The following TACC2 variants were observed in gnomAD, a reference collection of about 807,000 sequenced individuals.
The protein encoded by TACC2 is transforming acidic coiled-coil-containing protein 2.
TACC2 carries 137 observed loss-of-function variants against 227.3 expected under a neutral mutation model. The ratio of observed to expected loss-of-function variants is 0.60; its 90% CI spans 0.52 to 0.69. The LOEUF is 0.69. TACC2 is among the 30% of genes least tolerant of loss of function. TACC2 has a pLI of 0.00. For missense variants in TACC2, 3,470 were observed against 3,694.4 expected, an observed-to-expected ratio of 0.94 and a Z score of 1.57; for synonymous variants, 1,523 against 1,487.5, an observed-to-expected ratio of 1.02 and a Z score of -0.55.
chr10:122,169,642 T>C (rs1370880067), intron 7 of TACC2, among the ~76,000 whole-genome samples: 2 of 152,216 alleles, frequency 1.3e-5, no homozygotes, highest in Non-Finnish European at 2.9e-5. Context: ...GCCTGGGCAA[T>C]CTTTGTTTTC....
intron 3 of TACC2, among the ~76,000 whole-genome samples, chr10:122,081,086 C>G (rs1461329491): frequency 6.6e-6 from 1 of 151,998 alleles, no homozygotes; most frequent in Non-Finnish European, 1.5e-5. Flanking sequence ...GAATTGTACC[C>G]CCAAACAATT....
intron 3 of TACC2, among the ~76,000 whole-genome samples, chr10:122,075,810 TA>T (rs1318145915): frequency 6.6e-6 from 1 of 152,196 alleles, no homozygotes; most frequent in East Asian, 1.9e-4. Flanking sequence ...TTCTTTTTTT[TA>T]TTGTTGAGAC....
intron 2 of TACC2, among the ~76,000 whole-genome samples, chr10:122,045,218 G>T (rs2074833317): frequency 6.6e-6 from 1 of 152,128 alleles, no homozygotes. Context: ...TGCTATTCTG[G>T]GCATCAAATC....
At chr10:121,992,608 G>C (rs1382976214) in intron 1 of TACC2, among the ~76,000 whole-genome samples, 1 of 152,178 alleles carries the variant, frequency 6.6e-6, no homozygotes, top group Non-Finnish European at 1.5e-5. Flanking sequence ...TTTTCTGCCT[G>C]ATGAAATGGA....
chr10:122,019,302 G>A (rs897348390), intron 1 of TACC2, among the ~76,000 whole-genome samples: 3 of 152,248 alleles, frequency 2.0e-5, no homozygotes, highest in South Asian at 2.1e-4. Flanking sequence ...AGACTGCCGC[G>A]TCATCACATT....
chr10:122,132,096 A>G (rs2138833018), intron 5 of TACC2, among the ~76,000 whole-genome samples: 1 of 137,126 alleles, frequency 7.3e-6, no homozygotes, highest in South Asian at 2.4e-4. Context: ...AAGATCTACA[A>G]AGGTTTCTAA....
chr10:122,087,614 C>A lies in TACC2; in HGVS notation c.5114C>A (p.Ala1705Glu). 6.2e-7 allele frequency: 1 copy of A among 1,613,540 alleles called. No homozygotes were observed. The highest frequency in any genetic ancestry group is 8.5e-7 in the Non-Finnish European group (1 of 1,180,006). Residue 1705 changes from alanine to glutamate, a missense_variant, in exon 4 of 23, where the codon GCA becomes GAA. By Grantham distance (107) the Ala-to-Glu change is moderately radical. Transcript: ENST00000369005. ...AAGGTGGCAGGCGCTGCTGGGGAAG[C>A]AGAGGGTGACATCACCCTGAGCACA... ...PGKVAGAAGE[A>E]EGDITLSTAE...
intron 7 of TACC2, among the ~76,000 whole-genome samples, chr10:122,193,156 C>T (rs982208240): frequency 4.7e-4 from 72 of 152,194 alleles, no homozygotes; most frequent in Non-Finnish European, 1.5e-5. Flanking sequence ...AGGTTTGGCT[C>T]ATTGGATCCC....
chr10:121,997,085 T>C (rs1158939006), intron 1 of TACC2, among the ~76,000 whole-genome samples: 1 of 152,096 alleles, frequency 6.6e-6, no homozygotes, highest in Non-Finnish European at 1.5e-5. Context: ...TAGTCTCAGA[T>C]GCTGCAGAGA....
At position 122,008,630 on chromosome 10, in the gene TACC2, T is replaced by TGGCACAGTCTCTACTTACTGCAGC. The variant is rs1590982881; in HGVS notation, c.-45-13306_-45-13283dup. Reference sequence around the variant, plus strand: ...CTCTGTCACCCAGGCTGGAGTGCAGTGGCACAGTCTCTACTTACTGCAGCC... The same window carrying TGGCACAGTCTCTACTTACTGCAGC: ...CTCTGTCACCCAGGCTGGAGTGCAGTGGCACAGTCTCTACTTACTGCAGCGGCACAGTCTCTACTTACTGCAGCC... On this transcript the variant is annotated intron_variant, in intron 1 of 22. Coordinates refer to ENST00000369005, the MANE Select transcript of TACC2 (RefSeq NM_206862.4). Among the ~76,000 whole-genome samples, 4 of 151,886 alleles carry TGGCACAGTCTCTACTTACTGCAGC rather than the reference T, an allele frequency of 2.6e-5. No individual in the cohort carries two copies. The East Asian group carries it at 7.8e-4, about 30-fold the overall frequency.
At chr10:122,092,010 C>T (rs1391810791) in intron 5 of TACC2, among the ~76,000 whole-genome samples, 1 of 152,220 alleles carries the variant, frequency 6.6e-6, no homozygotes, top group African/African-American at 2.4e-5. Context: ...ATCCTTGATT[C>T]AAGCGCTGGA....
chr10:121,991,239 T>C (rs1953016347), intron 1 of TACC2, among the ~76,000 whole-genome samples: 1 of 152,234 alleles, frequency 6.6e-6, no homozygotes, highest in African/African-American at 2.4e-5. Flanking sequence ...TTAAACATTG[T>C]ATATTTTTAT....
At position 122,050,845 on chromosome 10, in the gene TACC2, A is replaced by T; in HGVS notation, c.146+295A>T. On this transcript the variant is annotated intron_variant, in intron 3 of 22. Transcript: ENST00000369005. This position sits in a 1 kb window ranked among gnomAD's most constrained non-coding sequence, Gnocchi z 4.6. The stretch of plus-strand genomic sequence containing the variant: ...ATTGTCAGAACTTAAAATGGAAAAC[A>T]TCAAGGGTTCCCAGGGGTTTATCAG... 1 of 369,242 alleles carries T rather than the reference A, an allele frequency of 2.7e-6. No individual in the cohort carries two copies. Among genetic ancestry groups the T allele is most frequent in the Non-Finnish European group, 4.9e-6 (1 of 203,114 alleles). 22.9% of individuals were successfully genotyped at this position (369,242 alleles called of 1,614,324 possible).
Position 122,249,614 on chromosome 10 carries a change from C to A in TACC2, c.8731C>A (p.Arg2911=), listed in dbSNP as rs1449221633. 1 of 1,613,800 alleles carries A rather than the reference C, an allele frequency of 6.2e-7. No homozygotes were observed. Among genetic ancestry groups the A allele is most frequent in the Non-Finnish European group, 8.5e-7 (1 of 1,179,914 alleles). ...GCAAGCCGCCCACCAGGCCAGCCTG[C>A]GGAAGGAGCAGCTGCGAGTGGACGC... is the stretch of plus-strand genomic sequence containing the variant. ...QEQAAHQASL[R]KEQLRVDALE... Residue 2911 remains arginine (R), a synonymous_variant, in exon 22 of 23, where the codon CGG becomes AGG. Coordinates refer to ENST00000369005, the MANE Select transcript of TACC2 (RefSeq NM_206862.4).
chr10:122,054,098 C>T (rs1273581095), intron 3 of TACC2, among the ~76,000 whole-genome samples: 1 of 152,186 alleles, frequency 6.6e-6, no homozygotes, highest in African/African-American at 2.4e-5. Context: ...ATTGTTTCTC[C>T]TCGAGGCTCT....
At chr10:122,225,364 C>G (rs1179096973) in intron 12 of TACC2, among the ~76,000 whole-genome samples, 1 of 152,216 alleles carries the variant, frequency 6.6e-6, no homozygotes, top group Non-Finnish European at 1.5e-5. Context: ...CTTTATCTTT[C>G]TTTGCATTAG....
At chr10:122,078,195 C>CA (rs1175837364) in intron 3 of TACC2, among the ~76,000 whole-genome samples, 814 of 37,538 alleles carry the variant, frequency 0.022, 44 homozygotes, top group African/African-American at 0.047. Flanking sequence ...ACTCCATCTC[C>CA]AAAAAAAAAA....
intron 3 of TACC2, among the ~76,000 whole-genome samples, chr10:122,070,513 G>A (rs772410183): frequency 6.6e-6 from 1 of 152,138 alleles, no homozygotes; most frequent in Non-Finnish European, 1.5e-5. Flanking sequence ...CCAGCATTTT[G>A]GAGGCTAAGG....
intron 1 of TACC2, among the ~76,000 whole-genome samples, chr10:121,996,327 A>T (rs945442143): frequency 2.6e-5 from 4 of 152,124 alleles, no homozygotes; most frequent in Non-Finnish European, 4.4e-5. Flanking sequence ...CAGTGCTGGG[A>T]TTACAGAAGA....
Sources: gnomAD v4.1 joint callset for allele counts (sites outside exome capture counted in the v4.1 genomes callset) on GRCh38, gnomAD v4.1.1 for gene constraint, Gnocchi (gnomAD v3.1) non-coding constraint, MANE v1.5 for transcripts, NCBI Gene and HGNC (gene_info 2026-07-23, HGNC 2026-07-21) for gene names.